Variants in EPB41L1 observed in about 807,000 individuals in gnomAD.
The protein encoded by EPB41L1 is band 4.1-like protein 1.
In EPB41L1, 29 loss-of-function variants were observed where a neutral mutation model predicts 97.8. The ratio of observed to expected loss-of-function variants is 0.30; its 90% CI spans 0.22 to 0.40. The LOEUF (loss-of-function observed/expected upper bound fraction) is 0.40. Ranked by LOEUF, EPB41L1 falls within the 10% of genes least tolerant of loss-of-function variation. The pLI is 1.00. For missense variants in EPB41L1, 812 were observed against 1,162.3 expected, an observed-to-expected ratio of 0.70 and a Z score of 4.38; for synonymous variants, 383 against 459.2, an observed-to-expected ratio of 0.83 and a Z score of 2.12.
At chr20:36,132,864 C>T (rs1041173976) in intron 2 of EPB41L1, among the ~76,000 whole-genome samples, 3 of 152,188 alleles carry the variant, frequency 2.0e-5, no homozygotes, top group Non-Finnish European at 4.4e-5. Flanking sequence ...GTGTGGGACC[C>T]ACTGTGAGGC....
rs77485555 is a variant in EPB41L1, at chr20:36,114,441, G to C, written c.-10+1961G>C. On this transcript the variant is annotated intron_variant, in intron 2 of 19. Transcript: ENST00000202028. The stretch of plus-strand genomic sequence containing the variant: ...GAAAACTGCCCACTGCAACCCAGGT[G>C]ATAGGGGTGGTGCCACATACACAAG... 2.9e-3 allele frequency among the ~76,000 whole-genome samples: 436 copies of C among 152,250 alleles called. 21 individuals carry two copies. In the East Asian group the frequency reaches 0.048, roughly 17 times the overall value.
chr20:36,102,040 A>ACAAAACAAAC (rs1555827195), intron 1 of EPB41L1, among the ~76,000 whole-genome samples: 1 of 98,512 alleles, frequency 1.0e-5, no homozygotes, highest in African/African-American at 6.7e-5. Flanking sequence ...ACAAAACAAA[A>ACAAAACAAAC]AAAACAAAAA....
At chr20:36,194,091 G>C (rs1600863019) in intron 11 of EPB41L1, 121 bp from the exon 12 acceptor site, 1 of 1,327,104 alleles carries the variant, frequency 7.5e-7, no homozygotes, top group Non-Finnish European at 1.1e-6. Context: ...CTGGGCAATG[G>C]GTGAGGGGTG....
chr20:36,164,664 A>G (rs1320504872), intron 1 of EPB41L1, among the ~76,000 whole-genome samples: 1 of 152,056 alleles, frequency 6.6e-6, no homozygotes, highest in Non-Finnish European at 1.5e-5. Context: ...CCAGCAGAAT[A>G]TTCACTTTTT....
At chr20:36,127,320 G>A (rs914614526) in intron 2 of EPB41L1, among the ~76,000 whole-genome samples, 1 of 152,166 alleles carries the variant, frequency 6.6e-6, no homozygotes, top group Non-Finnish European at 1.5e-5. Context: ...GTTGCCAGGG[G>A]AACCAAAGTT....
intron 2 of EPB41L1, among the ~76,000 whole-genome samples, chr20:36,140,421 G>A (rs927747071): frequency 1.3e-5 from 2 of 152,072 alleles, no homozygotes; most frequent in African/African-American, 4.8e-5. Flanking sequence ...ACACTTGGAT[G>A]TCAGACACAA....
intron 2 of EPB41L1, among the ~76,000 whole-genome samples, chr20:36,127,773 G>A (rs143136828): frequency 0.01 from 1,591 of 152,186 alleles, 27 homozygotes; most frequent in African/African-American, 0.037. Flanking sequence ...ACCTTCCATG[G>A]CCCTCCTCGT....
Position 36,229,590 on chromosome 20 carries a change from CA to C in EPB41L1, c.*251del. The stretch of plus-strand genomic sequence containing the variant: ...GCAGTTGGCTGACAGCAACAACCGA[CA>C]TCTGAACACCTACATTTCCTTTGCA... On this transcript the variant is annotated 3_prime_UTR_variant, in exon 22 of 22. Coordinates refer to ENST00000338074, the MANE Select transcript of EPB41L1 (RefSeq NM_012156.2). The C allele has an allele frequency of 2.6e-6, 1 of 385,462 alleles. No homozygotes were observed. Among genetic ancestry groups the C allele is most frequent in the East Asian group, 3.8e-5 (1 of 26,094 alleles). 23.9% of individuals were successfully genotyped at this position (385,462 alleles called of 1,614,324 possible).
At chr20:36,218,698 A>T (rs923752468) in intron 17 of EPB41L1, among the ~76,000 whole-genome samples, 178 bp from the exon 18 acceptor site, 1 of 152,250 alleles carries the variant, frequency 6.6e-6, no homozygotes, top group Non-Finnish European at 1.5e-5. Context: ...GAGTGAACAA[A>T]TGTGTGCCTG....
intron 3 of EPB41L1, among the ~76,000 whole-genome samples, chr20:36,176,630 CTTTTTT>C (rs549487167): frequency 7.3e-6 from 1 of 136,770 alleles, no homozygotes; most frequent in Non-Finnish European, 1.6e-5. Flanking sequence ...TCTTTTTTTT[CTTTTTT>C]TTTTTTTTTT....
chr20:36,155,057 A>G (rs1461047920), intron 1 of EPB41L1, 161 bp downstream of exon 1: 1 of 678,450 alleles, frequency 1.5e-6, no homozygotes, highest in Non-Finnish European at 2.3e-6. Flanking sequence ...GTTCCTCCCT[A>G]CCTACCGGTC....
chr20:36,168,149 A>T (rs1484287144), intron 1 of EPB41L1, among the ~76,000 whole-genome samples: 5 of 152,176 alleles, frequency 3.3e-5, no homozygotes, highest in Admixed American at 3.3e-4. Flanking sequence ...CTGGAAGGTG[A>T]GCTAGAGGAG....
At chr20:36,114,523 CTTAG>C (rs1345928744) in intron 2 of EPB41L1, among the ~76,000 whole-genome samples, 2 of 152,096 alleles carry the variant, frequency 1.3e-5, no homozygotes, top group African/African-American at 2.4e-5. Flanking sequence ...CTGACCTTAT[CTTAG>C]TTAGGGTCTA....
At chr20:36,158,970 A>G (rs1335106841) in intron 1 of EPB41L1, among the ~76,000 whole-genome samples, 1 of 152,204 alleles carries the variant, frequency 6.6e-6, no homozygotes, top group East Asian at 1.9e-4. Flanking sequence ...CCTTTTGGCA[A>G]CCGTATGATC....
In EPB41L1 at chr20:36,212,871, A is replaced by C. The variant is rs1398189341; in HGVS notation, c.2184+495A>C. Among the ~76,000 whole-genome samples the C allele has an allele frequency of 6.6e-6, 1 of 152,250 alleles. No homozygotes were observed. Among genetic ancestry groups the C allele is most frequent in the Admixed American group, 6.5e-5 (1 of 15,276 alleles). ...TCAGTAAAATGAACAAAGTGAAAGA[A>C]GAAAACCGAAGATCATGTGTCTTGA... On this transcript the variant is annotated intron_variant, in intron 16 of 21. Coordinates refer to ENST00000338074, the MANE Select transcript of EPB41L1 (RefSeq NM_012156.2). The surrounding 1 kb of genome is among the most constrained non-coding windows in gnomAD (Gnocchi z 4.8).
chr20:36,161,770 G>C (rs1163261571), intron 1 of EPB41L1, among the ~76,000 whole-genome samples: 2 of 148,544 alleles, frequency 1.3e-5, no homozygotes, highest in Non-Finnish European at 3.0e-5. Flanking sequence ...CGTTATTCTT[G>C]TTTTTTTAAA....
Position 36,206,059 on chromosome 20 carries a change from A to G in EPB41L1, c.1669-3429A>G. ...AATGGTGGGAAACAGAAGAGCAAAC[A>G]CCCAGCAACAAGGAAAAATGATTGC... On this transcript the variant is annotated intron_variant, in intron 14 of 21. Coordinates refer to ENST00000338074, the MANE Select transcript of EPB41L1 (RefSeq NM_012156.2). This position sits in a 1 kb window ranked among gnomAD's most constrained non-coding sequence, Gnocchi z 5.5. The G allele has an allele frequency of 2.3e-6, 3 of 1,289,868 alleles. No individual in the cohort carries two copies. Among genetic ancestry groups the G allele is most frequent in the Non-Finnish European group, 3.0e-6 (3 of 988,874 alleles). The allele number at this position is 1,289,868 out of a possible 1,614,324, so 79.9% of individuals were successfully genotyped here.
At chr20:36,134,846 C>T (rs1313966766) in intron 2 of EPB41L1, among the ~76,000 whole-genome samples, 5 of 143,236 alleles carry the variant, frequency 3.5e-5, no homozygotes, top group African/African-American at 1.3e-4. Context: ...TTTGTGTTTT[C>T]TCTGTCTTTT....
intron 5 of EPB41L1, 43 bp downstream of exon 5, chr20:36,178,715 A>T: frequency 6.2e-7 from 1 of 1,604,128 alleles, no homozygotes; most frequent in Non-Finnish European, 8.5e-7. Flanking sequence ...GGGTGAGGGG[A>T]TTCCAGGCCA....
Sources: allele counts gnomAD v4.1 joint callset (sites outside exome capture counted in the v4.1 genomes callset), GRCh38; gene constraint gnomAD v4.1.1; non-coding constraint Gnocchi (gnomAD v3.1); transcripts MANE v1.5; gene names NCBI Gene and HGNC (gene_info 2026-07-23, HGNC 2026-07-21).